The following YEATS2 variants were observed in gnomAD, a reference collection of about 807,000 sequenced individuals.
The protein encoded by YEATS2 is YEATS domain-containing protein 2.
In YEATS2, 77 loss-of-function variants were observed where a neutral mutation model predicts 163.2. The ratio of observed to expected loss-of-function variants is 0.47; its 90% CI spans 0.39 to 0.57. YEATS2 has a LOEUF of 0.57. YEATS2 is among the 20% of genes least tolerant of loss of function. The pLI, the probability that YEATS2 is intolerant of heterozygous loss-of-function variation, is 0.00. For synonymous variants in YEATS2, 631 were observed against 645.1 expected, an observed-to-expected ratio of 0.98 and a Z score of 0.33; for missense variants, 1,549 against 1,729.8, an observed-to-expected ratio of 0.90 and a Z score of 1.85.
intron 7 of YEATS2, among the ~76,000 whole-genome samples, chr3:183,731,729 A>C (rs980279048): frequency 6.6e-6 from 1 of 152,206 alleles, no homozygotes; most frequent in East Asian, 1.9e-4. Context: ...TTTTCTGCTA[A>C]TAGTAAATGA....
intron 21 of YEATS2, among the ~76,000 whole-genome samples, chr3:183,795,539 A>G (rs935493231): frequency 2.7e-5 from 4 of 146,536 alleles, no homozygotes; most frequent in Middle Eastern, 3.4e-3. Flanking sequence ...GGCCTCAACC[A>G]GTCCTCCCTT....
At chr3:183,809,215 T>C (rs747488039) in intron 30 of YEATS2, 45 bp downstream of exon 30, 5 of 1,587,332 alleles carry the variant, frequency 3.1e-6, no homozygotes, top group Non-Finnish European at 3.5e-6. Flanking sequence ...TACACCTCTT[T>C]CCTAACAGTT....
At chr3:183,776,950 C>G (rs912588901) in intron 18 of YEATS2, among the ~76,000 whole-genome samples, 3 of 144,712 alleles carry the variant, frequency 2.1e-5, no homozygotes, top group Non-Finnish European at 4.5e-5. Context: ...GAGACTCTGT[C>G]TCAAAAAAAA....
intron 1 of YEATS2, among the ~76,000 whole-genome samples, chr3:183,709,684 T>C (rs1384043202): frequency 6.8e-6 from 1 of 146,446 alleles, no homozygotes; most frequent in Admixed American, 6.8e-5. Flanking sequence ...AATTTTTTTT[T>C]TTTTTTTTTT....
chr3:183,807,126 G>C lies in YEATS2; in HGVS notation c.4011+34G>C, dbSNP rs75830816. ...TGTGGTGTTAATAGTTCATGCAGCAGACCAGCTCAGAGCTAGATGTTCAGA... is the reference window on the plus strand; with the variant it reads ...TGTGGTGTTAATAGTTCATGCAGCACACCAGCTCAGAGCTAGATGTTCAGA... On this transcript the variant is annotated intron_variant, in intron 28 of 30. Coordinates refer to ENST00000305135, the MANE Select transcript of YEATS2 (RefSeq NM_018023.5). 1.3e-3 allele frequency: 2,041 copies of C among 1,573,236 alleles called. 12 individuals carry two copies. The African/African-American group carries it at 0.017, about 13-fold the overall frequency.
intron 7 of YEATS2, among the ~76,000 whole-genome samples, chr3:183,729,256 AGC>A (rs1717455290): frequency 6.6e-6 from 1 of 150,848 alleles, no homozygotes; most frequent in African/African-American, 2.5e-5. Flanking sequence ...TGGGCGACAG[AGC>A]GAGACTCTGT....
chr3:183,724,093 C>T (rs1716815668), intron 5 of YEATS2, among the ~76,000 whole-genome samples: 1 of 152,040 alleles, frequency 6.6e-6, no homozygotes, highest in African/African-American at 2.4e-5. Context: ...TCCATTGACC[C>T]CTTTCTCTCT....
intron 22 of YEATS2, 39 bp from the exon 23 acceptor site, chr3:183,798,852 T>G (rs758678650): frequency 6.7e-7 from 1 of 1,491,356 alleles, no homozygotes; most frequent in Admixed American, 1.7e-5. Flanking sequence ...AAAATAATTT[T>G]TGTATTTGTT....
intron 21 of YEATS2, among the ~76,000 whole-genome samples, chr3:183,794,058 TTC>T (rs1724920732): frequency 6.6e-6 from 1 of 152,222 alleles, no homozygotes; most frequent in Non-Finnish European, 1.5e-5. Context: ...CATAAGGAGA[TTC>T]TGTCAGAGCA....
At chr3:183,767,024 C>T (rs563378379) in intron 15 of YEATS2, among the ~76,000 whole-genome samples, 124 of 152,264 alleles carry the variant, frequency 8.1e-4, no homozygotes, top group African/African-American at 2.8e-3. Flanking sequence ...GTAATACAGT[C>T]TTATTTAAGA....
intron 9 of YEATS2, among the ~76,000 whole-genome samples, chr3:183,750,382 T>C (rs1409782962): frequency 6.6e-6 from 1 of 152,268 alleles, no homozygotes; most frequent in Non-Finnish European, 1.5e-5. Flanking sequence ...ATAGTGCTGC[T>C]ATGAACGTAG....
chr3:183,705,551 T>C (rs369299721), intron 1 of YEATS2, among the ~76,000 whole-genome samples: 1 of 152,220 alleles, frequency 6.6e-6, no homozygotes, highest in Non-Finnish European at 1.5e-5. Context: ...AATTCTATTA[T>C]TAATATTGCC....
At position 183,762,166 on chromosome 3, in the gene YEATS2, C is replaced by T; in HGVS notation, c.1834C>T (p.Leu612Phe). The part of the protein sequence containing the change: ...PATGAASQSP[L>F]PQYVTVKGGH... ...AACAGGAGCTGCCAGCCAGTCACCACTCCCGCAGTATGTGACTGTGAAAGG... is the reference window on the plus strand; with the variant it reads ...AACAGGAGCTGCCAGCCAGTCACCATTCCCGCAGTATGTGACTGTGAAAGG... The change falls in exon 15 of 31, where the codon CTC becomes TTC. Residue 612 changes from leucine (L) to phenylalanine (F), a missense_variant. Transcript: ENST00000305135. 1 of 1,614,176 alleles carries T rather than the reference C, an allele frequency of 6.2e-7. No homozygotes were observed.
intron 13 of YEATS2, among the ~76,000 whole-genome samples, chr3:183,760,665 T>G (rs1290579217): frequency 1.3e-5 from 2 of 152,210 alleles, no homozygotes; most frequent in East Asian, 3.8e-4. Context: ...TGTCTTTGCC[T>G]GTGCCAAATT....
At chr3:183,705,547 A>G (rs73884597) in intron 1 of YEATS2, among the ~76,000 whole-genome samples, 6 of 152,056 alleles carry the variant, frequency 3.9e-5, no homozygotes, top group Admixed American at 6.6e-5. Context: ...CTTGAATTCT[A>G]TTATTAATAT....
chr3:183,779,863 A>C (rs1268767454), intron 19 of YEATS2, among the ~76,000 whole-genome samples: 1 of 151,716 alleles, frequency 6.6e-6, no homozygotes, highest in Admixed American at 6.6e-5. Flanking sequence ...ATGTCCAGCT[A>C]ATTTTTGTAT....
In YEATS2 at chr3:183,803,341, C is replaced by T. The variant is rs1028308624; in HGVS notation, c.3582+6C>T. 6.2e-7 allele frequency: 1 copy of T among 1,608,674 alleles called. No homozygotes were observed. Among genetic ancestry groups the T allele is most frequent in the African/African-American group, 1.3e-5 (1 of 74,836 alleles). The stretch of plus-strand genomic sequence containing the variant: ...GAAAAAGGAGAGCCGCTGAGGTAAC[C>T]CACATCTGCCTGTCCACTCTGGCTG... On this transcript the variant is annotated splice_donor_region_variant and intron_variant, in intron 26 of 30. Transcript: ENST00000305135.
intron 1 of YEATS2, among the ~76,000 whole-genome samples, 160 bp from the exon 2 acceptor site, chr3:183,714,984 A>G (rs951066130): frequency 6.6e-6 from 1 of 151,936 alleles, no homozygotes; most frequent in Non-Finnish European, 1.5e-5. Flanking sequence ...ATGTGTGTAT[A>G]TACACATACC....
chr3:183,712,192 A>ATTTTC (rs1715299980), intron 1 of YEATS2, among the ~76,000 whole-genome samples: 1 of 140,488 alleles, frequency 7.1e-6, no homozygotes. Context: ...ATGTTCTTTT[A>ATTTTC]TTTTATTTTA....
Sources: gnomAD v4.1 joint callset for allele counts (sites outside exome capture counted in the v4.1 genomes callset) on GRCh38, gnomAD v4.1.1 for gene constraint, MANE v1.5 for transcripts, NCBI Gene and HGNC (gene_info 2026-07-23, HGNC 2026-07-21) for gene names.